NRP2: variants seen among roughly 807,000 people sequenced by gnomAD.
The protein encoded by NRP2 is neuropilin 2, also known as neuropilin-2.
A neutral mutation model predicts 110.4 loss-of-function variants in NRP2; 52 were observed. The observed-to-expected ratio is 0.47, with a 90% CI of 0.38 to 0.59. The LOEUF (loss-of-function observed/expected upper bound fraction) is 0.59. Ranked by LOEUF, NRP2 falls within the 20% of genes least tolerant of loss-of-function variation. The probability of loss-of-function intolerance (pLI) is 0.00; values close to 1 mark genes in which losing one functional copy is unlikely to be tolerated. For synonymous variants in NRP2, 508 were observed against 468.9 expected, an observed-to-expected ratio of 1.08 and a Z score of -1.08; for missense variants, 1,049 against 1,203.0, an observed-to-expected ratio of 0.87 and a Z score of 1.89.
chr2:205,698,711 G>A (rs1281936584), intron 2 of NRP2, among the ~76,000 whole-genome samples: 1 of 152,224 alleles, frequency 6.6e-6, no homozygotes, highest in Non-Finnish European at 1.5e-5. Context: ...AGAAAAGAAT[G>A]TGCCAACAGT....
intron 9 of NRP2, among the ~76,000 whole-genome samples, chr2:205,745,084 C>T (rs577141201): frequency 1.3e-5 from 2 of 152,334 alleles, no homozygotes; most frequent in South Asian, 4.1e-4. Context: ...TCCAAGTGTA[C>T]TCTAGGCTGG....
chr2:205,749,614 C>T, intron 10 of NRP2, 111 bp from the exon 11 acceptor site: 3 of 855,314 alleles, frequency 3.5e-6, no homozygotes, highest in Non-Finnish European at 6.0e-6. Context: ...GAGTTCCGTG[C>T]ACATGTGTGC....
intron 15 of NRP2, among the ~76,000 whole-genome samples, chr2:205,785,736 G>C (rs560886909): frequency 6.6e-6 from 1 of 152,050 alleles, no homozygotes. Flanking sequence ...CTGCTCATCC[G>C]CCTCCACACT....
chr2:205,685,355 C>T (rs976844899), intron 1 of NRP2, among the ~76,000 whole-genome samples: 3 of 152,202 alleles, frequency 2.0e-5, no homozygotes, highest in African/African-American at 4.8e-5. Context: ...GGCTTTCAGG[C>T]GGAGCAAAGC....
At chr2:205,771,212 C>T (rs531584545) in intron 15 of NRP2, among the ~76,000 whole-genome samples, 2 of 152,166 alleles carry the variant, frequency 1.3e-5, no homozygotes, top group East Asian at 1.9e-4. Context: ...GAAAACATCC[C>T]GGCGCCTCCC....
intron 15 of NRP2, among the ~76,000 whole-genome samples, chr2:205,785,416 GA>G (rs971608291): frequency 4.3e-4 from 65 of 152,234 alleles, no homozygotes; most frequent in African/African-American, 1.5e-3. Context: ...ACAAGAGGGG[GA>G]AAAAACAGCA....
At chr2:205,707,139 C>G (rs1559315690) in intron 2 of NRP2, among the ~76,000 whole-genome samples, 1 of 152,250 alleles carries the variant, frequency 6.6e-6, no homozygotes, top group African/African-American at 2.4e-5. Flanking sequence ...CCACCCCCAA[C>G]AAACCCCAAC....
rs150629453 is a variant in NRP2, at chr2:205,752,876, G to T, written c.1945G>T (p.Asp649Tyr). 2 of 1,614,182 alleles carry T rather than the reference G, an allele frequency of 1.2e-6. No homozygotes were observed. Among genetic ancestry groups the T allele is most frequent in the Non-Finnish European group, 1.7e-6 (2 of 1,180,024 alleles). ...CCCTTCGGGATTCAATTGCAACTTC[G>T]ATTTCCTCGAGGAGCCCTGTGGTTG... ...QLPSGFNCNF[D>Y]FLEEPCGWMY... is the part of the protein sequence containing the mutation. Residue 649 changes from aspartate (D) to tyrosine (Y), a missense_variant, in exon 12 of 17, where the codon GAT becomes TAT. By Grantham distance (160) the Asp-to-Tyr change is radical (BLOSUM62 -3). Coordinates refer to ENST00000357785, the MANE Select transcript of NRP2 (RefSeq NM_003872.3).
chr2:205,795,130 C>A lies in NRP2; in HGVS notation c.*72C>A. ...GCTGGGGAAGATTACATTTTTTTTT[C>A]CTTTGGAAACTGAATGCCATAATCT... On this transcript the variant is annotated 3_prime_UTR_variant, in exon 17 of 17. Transcript: ENST00000357785. 7.3e-7 allele frequency: 1 copy of A among 1,377,252 alleles called. No homozygotes were observed. Among genetic ancestry groups the A allele is most frequent in the Non-Finnish European group, 1.0e-6 (1 of 987,028 alleles). The allele number at this position is 1,377,252 out of a possible 1,614,324, so 85.3% of individuals were successfully genotyped here.
chr2:205,758,370 G>A (rs1000914032), intron 12 of NRP2, among the ~76,000 whole-genome samples: 3 of 152,166 alleles, frequency 2.0e-5, no homozygotes, highest in African/African-American at 4.8e-5. Flanking sequence ...GATCAAGCTG[G>A]TGATTTATTT....
chr2:205,693,674 C>A (rs2056361247), intron 1 of NRP2, among the ~76,000 whole-genome samples: 1 of 152,204 alleles, frequency 6.6e-6, no homozygotes, highest in Non-Finnish European at 1.5e-5. Flanking sequence ...CATCTTTCTG[C>A]TAATGTCGAT....
chr2:205,788,450 T>C (rs1350370726), intron 15 of NRP2, among the ~76,000 whole-genome samples: 2 of 152,156 alleles, frequency 1.3e-5, no homozygotes, highest in East Asian at 1.9e-4. Flanking sequence ...CTCACATAGA[T>C]ATATGCAAGG....
intron 8 of NRP2, among the ~76,000 whole-genome samples, chr2:205,741,184 A>C (rs909742902): frequency 1.3e-5 from 2 of 152,262 alleles, no homozygotes; most frequent in Admixed American, 1.3e-4. Flanking sequence ...CAAGTTGGGC[A>C]GACATACTGA....
At chr2:205,753,508 T>C (rs557512113) in intron 12 of NRP2, among the ~76,000 whole-genome samples, 3 of 152,300 alleles carry the variant, frequency 2.0e-5, no homozygotes, top group African/African-American at 7.2e-5. Flanking sequence ...ACTTGGCCTC[T>C]AGAAGAGTAT....
At chr2:205,745,954 G>C in intron 10 of NRP2, 64 bp downstream of exon 10, 1 of 1,583,900 alleles carries the variant, frequency 6.3e-7, no homozygotes, top group Non-Finnish European at 8.7e-7. Flanking sequence ...GGCATCCCAC[G>C]AGGCCCTGGG....
At chr2:205,685,484 G>A (rs1411406359) in intron 1 of NRP2, among the ~76,000 whole-genome samples, 1 of 152,226 alleles carries the variant, frequency 6.6e-6, no homozygotes, top group African/African-American at 2.4e-5. Context: ...CGCCGGCGAC[G>A]AGAACCAATT....
intron 15 of NRP2, among the ~76,000 whole-genome samples, chr2:205,771,106 C>T (rs1292747389): frequency 6.6e-6 from 1 of 152,150 alleles, no homozygotes; most frequent in African/African-American, 2.4e-5. Context: ...GAGTGTGAAG[C>T]GTCCGAGACT....
chr2:205,683,192 C>A lies in NRP2; in HGVS notation c.-99C>A. On this transcript the variant is annotated 5_prime_UTR_variant, in exon 1 of 17. Coordinates refer to ENST00000357785, the MANE Select transcript of NRP2 (RefSeq NM_003872.3). Reference sequence around the variant, plus strand: ...AAACGCTGACCATTAGAAACCTCTGCATAAGACGTTGTAAGGAGGAAAATA... The same window carrying A: ...AAACGCTGACCATTAGAAACCTCTGAATAAGACGTTGTAAGGAGGAAAATA... 1.2e-6 allele frequency: 1 copy of A among 868,056 alleles called. No individual in the cohort carries two copies. Among genetic ancestry groups the A allele is most frequent in the Non-Finnish European group, 1.9e-6 (1 of 525,950 alleles). 53.8% of individuals were successfully genotyped at this position (868,056 alleles called of 1,614,324 possible).
At chr2:205,768,823 A>G (rs1464271679) in intron 15 of NRP2, among the ~76,000 whole-genome samples, 1 of 152,190 alleles carries the variant, frequency 6.6e-6, no homozygotes, top group Non-Finnish European at 1.5e-5. Flanking sequence ...AGAAGAAACC[A>G]AGGCTTGGGG....
Sources: allele counts gnomAD v4.1 joint callset (sites outside exome capture counted in the v4.1 genomes callset), GRCh38; gene constraint gnomAD v4.1.1; transcripts MANE v1.5; gene names NCBI Gene and HGNC (gene_info 2026-07-23, HGNC 2026-07-21).